The following DPRX variants were observed in gnomAD, a reference collection of about 807,000 sequenced individuals.
DPRX encodes divergent-paired related homeobox, also known as divergent paired-related homeobox.
DPRX carries 11 observed loss-of-function variants against 8.4 expected under a neutral mutation model. That is an observed-to-expected ratio of 1.31 (90% confidence interval 0.82 to 2.17). DPRX has a LOEUF of 2.17. Among genes scored for constraint, DPRX ranks in the 30% most tolerant of loss-of-function variants. The pLI is 0.00. For missense variants in DPRX, 211 were observed against 236.7 expected, an observed-to-expected ratio of 0.89 and a Z score of 0.71; for synonymous variants, 72 against 87.0, an observed-to-expected ratio of 0.83 and a Z score of 0.96.
chr19:53,618,615 TAAAAAAAAAA>T, the DPRX span, among the ~76,000 whole-genome samples: 1 of 102,826 alleles, frequency 9.7e-6, no homozygotes, highest in Non-Finnish European at 1.9e-5. Flanking sequence ...ACCCCATCTC[TAAAAAAAAAA>T]AAAAAAAAAG....
chr19:53,621,742 C>A, the DPRX span, among the ~76,000 whole-genome samples: 3 of 151,958 alleles, frequency 2.0e-5, no homozygotes, highest in Non-Finnish European at 4.4e-5. Flanking sequence ...CAAGATCACG[C>A]CACTGCACTC....
rs559955443 is a variant in DPRX at position 53,635,180 on chromosome 19, T to A, written c.183+495T>A. On this transcript the variant is annotated intron_variant, in intron 2 of 2. Coordinates refer to ENST00000376650, the Ensembl canonical transcript of DPRX. Reference sequence around the variant, plus strand: ...TACAAGCATGAGCCCGGCTGTATTTTATTTTTTGTAGAGATGGGGTTTCGC... The same window carrying A: ...TACAAGCATGAGCCCGGCTGTATTTAATTTTTTGTAGAGATGGGGTTTCGC... Among the ~76,000 whole-genome samples the A allele has an allele frequency of 3.9e-5, 6 of 152,264 alleles. No individual in the cohort carries two copies. In the South Asian group the frequency reaches 1.2e-3, roughly 32 times the overall value.
chr19:53,623,071 TGAGGCGGGC>T, the DPRX span, among the ~76,000 whole-genome samples: 1 of 70,064 alleles, frequency 1.4e-5, no homozygotes, highest in Non-Finnish European at 3.5e-5. Context: ...TTTGGGAGGC[TGAGGCGGGC>T]GGATCACGAG....
At chr19:53,617,975 TA>T in the DPRX span, among the ~76,000 whole-genome samples, 127 of 151,726 alleles carry the variant, frequency 8.4e-4, no homozygotes, top group African/African-American at 2.9e-3. Context: ...CCATCTCTAC[TA>T]AAAATACAAA....
intron 1 of DPRX, 134 bp downstream of exon 1, chr19:53,632,268 G>A: frequency 9.3e-7 from 1 of 1,069,824 alleles, no homozygotes; most frequent in Non-Finnish European, 1.4e-6. Context: ...ACTTCCCACA[G>A]AGGCTGTCAT....
the DPRX span, among the ~76,000 whole-genome samples, chr19:53,618,670 T>A: frequency 1.5e-5 from 2 of 132,282 alleles, no homozygotes; most frequent in Admixed American, 8.9e-5. Flanking sequence ...AAATGGAAAT[T>A]ATTCATATTG....
At chr19:53,608,029 C>A in the DPRX span, among the ~76,000 whole-genome samples, 1 of 148,114 alleles carries the variant, frequency 6.8e-6, no homozygotes, top group Non-Finnish European at 1.5e-5. Context: ...AAAAATTAGC[C>A]GAGCATGGTG....
At chr19:53,601,585 G>C in the DPRX span, among the ~76,000 whole-genome samples, 2 of 150,956 alleles carry the variant, frequency 1.3e-5, no homozygotes, top group Non-Finnish European at 3.0e-5. Context: ...GGGTTCAAGC[G>C]ATTCTCCTGC....
At chr19:53,626,227 C>G in the DPRX span, among the ~76,000 whole-genome samples, 1 of 152,022 alleles carries the variant, frequency 6.6e-6, no homozygotes, top group African/African-American at 2.4e-5. Context: ...CGTGAGCCAC[C>G]GTGACTGGCC....
At chr19:53,615,305 C>T in the DPRX span, among the ~76,000 whole-genome samples, 1 of 150,208 alleles carries the variant, frequency 6.7e-6, no homozygotes, top group African/African-American at 2.4e-5. Flanking sequence ...CTTTGAGACG[C>T]AGTCTCACTC....
upstream of DPRX, among the ~76,000 whole-genome samples, chr19:53,629,048 T>C (rs2091081324): frequency 6.7e-6 from 1 of 150,006 alleles, no homozygotes; most frequent in South Asian, 2.2e-4. Context: ...GCGCAGTGGC[T>C]CACACCAGTA....
chr19:53,618,149 AAAAAAAG>A, the DPRX span, among the ~76,000 whole-genome samples: 1 of 133,886 alleles, frequency 7.5e-6, no homozygotes, highest in African/African-American at 3.2e-5. Context: ...TTTCAAAAAA[AAAAAAAG>A]AAAGAAAGAA....
chr19:53,623,499 A>G, the DPRX span, among the ~76,000 whole-genome samples: 64,202 of 151,456 alleles, frequency 0.42, 13,924 homozygotes, highest in Non-Finnish European at 0.47. Context: ...TTAGCCTGGC[A>G]TGGTGGCACA....
At chr19:53,617,583 A>G in the DPRX span, among the ~76,000 whole-genome samples, 2 of 151,742 alleles carry the variant, frequency 1.3e-5, no homozygotes, top group African/African-American at 4.8e-5. Context: ...AAAGAAAAAA[A>G]AAAAGAAATC....
intron 1 of DPRX, among the ~76,000 whole-genome samples, chr19:53,633,427 A>T (rs2122162453): frequency 6.6e-6 from 1 of 152,334 alleles, no homozygotes; most frequent in East Asian, 1.9e-4. Flanking sequence ...TTCACCTTGG[A>T]TTGAGTTGCC....
chr19:53,609,466 C>CAAAAAAA, the DPRX span, among the ~76,000 whole-genome samples: 16 of 55,484 alleles, frequency 2.9e-4, no homozygotes, highest in Non-Finnish European at 4.9e-4. Flanking sequence ...GACTCGGTCT[C>CAAAAAAA]AAAAAAAAAA....
the DPRX span, among the ~76,000 whole-genome samples, chr19:53,616,050 C>T: frequency 0.01 from 1,562 of 152,012 alleles, 33 homozygotes; most frequent in African/African-American, 0.036. Context: ...GTCAGCAGTT[C>T]GAGACCAGCC....
chr19:53,611,355 C>T, the DPRX span, among the ~76,000 whole-genome samples: 1 of 152,012 alleles, frequency 6.6e-6, no homozygotes, highest in East Asian at 1.9e-4. Flanking sequence ...ACTTGAGCCT[C>T]CTGAGTAGCT....
the DPRX span, among the ~76,000 whole-genome samples, chr19:53,618,022 A>G: frequency 5.3e-5 from 8 of 151,736 alleles, no homozygotes; most frequent in East Asian, 1.9e-4. Context: ...GGCACCTGTA[A>G]TCCCAGCTAC....
Sources: allele counts gnomAD v4.1 joint callset (sites outside exome capture counted in the v4.1 genomes callset), GRCh38; gene constraint gnomAD v4.1.1; transcripts MANE v1.5; gene names NCBI Gene and HGNC (gene_info 2026-07-23, HGNC 2026-07-21).